ARK2N: variants seen among roughly 807,000 people sequenced by gnomAD.
The protein encoded by ARK2N is arkadia (RNF111) N-terminal like PKA signaling regulator 2N.
At chr18:46,183,896 TC>T in the ARK2N span, among the ~76,000 whole-genome samples, 1,228 of 151,698 alleles carry the variant, frequency 8.1e-3, 20 homozygotes, top group African/African-American at 0.029. Context: ...CGATCTCAGC[TC>T]ACTGCAACCT....
the ARK2N span, among the ~76,000 whole-genome samples, chr18:46,247,171 A>G: frequency 6.6e-6 from 1 of 152,180 alleles, no homozygotes; most frequent in East Asian, 1.9e-4. Flanking sequence ...TGGTGATGGT[A>G]CCTTGTTTTT....
the ARK2N span, among the ~76,000 whole-genome samples, chr18:46,198,786 A>G: frequency 6.6e-6 from 1 of 152,036 alleles, no homozygotes; most frequent in Admixed American, 6.6e-5. Context: ...TTAAGTAGAG[A>G]TGGGGTTTCA....
chr18:46,199,354 G>A, the ARK2N span, among the ~76,000 whole-genome samples: 1 of 151,540 alleles, frequency 6.6e-6, no homozygotes, highest in Non-Finnish European at 1.5e-5. Context: ...TCTCGCTGTT[G>A]CCCAGGCTGG....
At chr18:46,200,160 G>C in the ARK2N span, among the ~76,000 whole-genome samples, 2 of 152,054 alleles carry the variant, frequency 1.3e-5, no homozygotes, top group Admixed American at 1.3e-4. Flanking sequence ...GACCAAACCT[G>C]AATTATTCAT....
At chr18:46,252,052 G>A in the ARK2N span, among the ~76,000 whole-genome samples, 1 of 152,168 alleles carries the variant, frequency 6.6e-6, no homozygotes, top group East Asian at 2.0e-4. Flanking sequence ...AATTAGCCAG[G>A]TGTGGTGGCG....
the ARK2N span, among the ~76,000 whole-genome samples, chr18:46,229,394 C>A: frequency 0.011 from 1,740 of 152,244 alleles, 60 homozygotes; most frequent in East Asian, 0.12. Flanking sequence ...GTCGTCCAGG[C>A]TGGAGTGCAG....
the ARK2N span, among the ~76,000 whole-genome samples, chr18:46,207,679 C>T: frequency 0.011 from 1,748 of 152,230 alleles, 61 homozygotes; most frequent in East Asian, 0.12. Context: ...TGAGCCACGG[C>T]GCCTGACCTT....
At chr18:46,266,793 A>G in the ARK2N span, 4 of 152,766 alleles carry the variant, frequency 2.6e-5, no homozygotes, top group African/African-American at 9.6e-5. Context: ...TTTTAAAACA[A>G]AATTTGGTTC....
At chr18:46,220,387 T>C in the ARK2N span, among the ~76,000 whole-genome samples, 1 of 152,220 alleles carries the variant, frequency 6.6e-6, no homozygotes, top group South Asian at 2.1e-4. Flanking sequence ...CCAGCTATCA[T>C]CTTACCTCAT....
At chr18:46,235,055 C>T in the ARK2N span, among the ~76,000 whole-genome samples, 12 of 152,270 alleles carry the variant, frequency 7.9e-5, no homozygotes, top group East Asian at 2.3e-3. Context: ...TCCCATGTGT[C>T]TCTGGGTTAC....
At chr18:46,236,764 G>A in the ARK2N span, among the ~76,000 whole-genome samples, 1 of 152,160 alleles carries the variant, frequency 6.6e-6, no homozygotes, top group African/African-American at 2.4e-5. Flanking sequence ...GTCAGAGCAA[G>A]GGCAGTATCC....
At chr18:46,195,736 T>A in the ARK2N span, among the ~76,000 whole-genome samples, 43 of 151,580 alleles carry the variant, frequency 2.8e-4, no homozygotes, top group African/African-American at 9.7e-4. Flanking sequence ...CCACCACACC[T>A]GGCTGATTTT....
chr18:46,192,295 T>G, the ARK2N span, among the ~76,000 whole-genome samples: 5 of 152,224 alleles, frequency 3.3e-5, no homozygotes, highest in Non-Finnish European at 1.5e-5. Context: ...GGACTCTGGC[T>G]GGGTGAGGTG....
chr18:46,260,939 G>C, the ARK2N span, among the ~76,000 whole-genome samples: 1 of 152,286 alleles, frequency 6.6e-6, no homozygotes, highest in East Asian at 1.9e-4. Context: ...AAAAGCCACT[G>C]CTTGACGTTA....
chr18:46,180,115 T>C, the ARK2N span, among the ~76,000 whole-genome samples: 3 of 152,244 alleles, frequency 2.0e-5, no homozygotes, highest in Non-Finnish European at 4.4e-5. Context: ...GGCTTTAATT[T>C]ACAGTGTTTT....
chr18:46,181,971 T>C, the ARK2N span, among the ~76,000 whole-genome samples: 2 of 152,174 alleles, frequency 1.3e-5, no homozygotes, highest in East Asian at 3.9e-4. Context: ...AAGTGACCAG[T>C]AGAAGTTATT....
the ARK2N span, among the ~76,000 whole-genome samples, chr18:46,234,386 CG>C: frequency 6.6e-6 from 1 of 151,892 alleles, no homozygotes; most frequent in Non-Finnish European, 1.5e-5. Flanking sequence ...TTAGTAGAGA[CG>C]GGGGTTTCAC....
the ARK2N span, among the ~76,000 whole-genome samples, chr18:46,209,045 C>T: frequency 5.9e-5 from 9 of 152,224 alleles, no homozygotes; most frequent in South Asian, 1.9e-3. Context: ...CTGGAAAAAA[C>T]TCTTTTTATG....
chr18:46,203,160 G>A, the ARK2N span, among the ~76,000 whole-genome samples: 3 of 152,038 alleles, frequency 2.0e-5, no homozygotes, highest in Admixed American at 1.3e-4. Context: ...ACAGAAACAT[G>A]TGCAAACGTG....
Sources: allele counts gnomAD v4.1 joint callset (sites outside exome capture counted in the v4.1 genomes callset), GRCh38; gene constraint gnomAD v4.1.1; transcripts MANE v1.5; gene names NCBI Gene and HGNC (gene_info 2026-07-23, HGNC 2026-07-21).